LAMA1: variants seen among roughly 807,000 people sequenced by gnomAD.
LAMA1 encodes the protein laminin subunit alpha-1.
Under a neutral mutation model 348.7 loss-of-function variants are expected in LAMA1, and 219 were observed. That is an observed-to-expected ratio of 0.63 (90% CI 0.56 to 0.70). The LOEUF (loss-of-function observed/expected upper bound fraction) is 0.70, where lower values mean the gene tolerates loss of function less well. Among genes scored for constraint, LAMA1 ranks in the 30% least tolerant of loss-of-function variants. The probability of loss-of-function intolerance (pLI) is 0.00; values close to 1 mark genes in which losing one functional copy is unlikely to be tolerated. For synonymous variants in LAMA1, 1,487 were observed against 1,491.0 expected (o/e 1.00, Z 0.06); for missense variants, 3,744 against 3,888.0 (o/e 0.96, Z 0.99).
intron 1 of LAMA1, among the ~76,000 whole-genome samples, chr18:7,101,736 T>C (rs1172673393): frequency 2.6e-5 from 4 of 152,164 alleles, no homozygotes; most frequent in African/African-American, 9.7e-5. Context: ...GGTGCAATCA[T>C]AGTTTACTGC....
intron 29 of LAMA1, 61 bp downstream of exon 29, chr18:7,007,078 C>G (rs923734400): frequency 1.8e-5 from 29 of 1,601,208 alleles, no homozygotes; most frequent in Non-Finnish European, 5.1e-6. Flanking sequence ...GACCGGAAAT[C>G]TGACACTCAG....
chr18:7,017,853 A>G (rs936768851), intron 19 of LAMA1, among the ~76,000 whole-genome samples: 1 of 152,194 alleles, frequency 6.6e-6, no homozygotes, highest in Non-Finnish European at 1.5e-5. Context: ...ATTAAATATG[A>G]TATCCCAGTT....
chr18:6,977,610 T>C (rs1393613196), intron 44 of LAMA1, 117 bp downstream of exon 44: 1 of 1,166,380 alleles, frequency 8.6e-7, no homozygotes, highest in African/African-American at 1.5e-5. Flanking sequence ...TATTGGGATC[T>C]GGGTCTTTGG....
At chr18:6,966,681 A>G (rs1458908633) in intron 48 of LAMA1, among the ~76,000 whole-genome samples, 4 of 152,130 alleles carry the variant, frequency 2.6e-5, no homozygotes, top group African/African-American at 9.7e-5. Context: ...CACTTTGCTG[A>G]TGAGGTTTTA....
chr18:6,997,616 C>T (rs904005376), intron 33 of LAMA1, 126 bp downstream of exon 33: 1 of 1,001,036 alleles, frequency 1.0e-6, no homozygotes, highest in African/African-American at 1.6e-5. Context: ...CACCTGCCCG[C>T]AGGGGCTGAT....
At chr18:7,009,655 C>T (rs1600390730) in intron 26 of LAMA1, among the ~76,000 whole-genome samples, 1 of 152,328 alleles carries the variant, frequency 6.6e-6, no homozygotes, top group African/African-American at 2.4e-5. Flanking sequence ...AGTCCAAAGT[C>T]TCCTGTACCA....
chr18:7,008,708 C>G, intron 27 of LAMA1, 100 bp from the exon 28 acceptor site: 2 of 1,406,520 alleles, frequency 1.4e-6, no homozygotes, highest in Middle Eastern at 1.8e-4. Flanking sequence ...GAAACCAGAG[C>G]TTTCTTCCCT....
At chr18:7,090,653 A>G (rs572238237) in intron 1 of LAMA1, among the ~76,000 whole-genome samples, 10 of 151,786 alleles carry the variant, frequency 6.6e-5, no homozygotes, top group Non-Finnish European at 1.3e-4. Flanking sequence ...AGAAAGAAAG[A>G]CAGGGAGAGA....
intron 47 of LAMA1, 115 bp from the exon 48 acceptor site, chr18:6,972,096 G>T: frequency 1.6e-6 from 2 of 1,272,756 alleles, no homozygotes; most frequent in South Asian, 1.2e-5. Context: ...TCCAAATTTT[G>T]AGAGAGCCAC....
chr18:7,094,169 C>T (rs1361742524), intron 1 of LAMA1, among the ~76,000 whole-genome samples: 1 of 152,006 alleles, frequency 6.6e-6, no homozygotes, highest in South Asian at 2.1e-4. Flanking sequence ...GGCTGAGATA[C>T]TTCGATTTAA....
intron 1 of LAMA1, among the ~76,000 whole-genome samples, chr18:7,103,482 G>A (rs1204847595): frequency 6.6e-6 from 1 of 151,680 alleles, no homozygotes; most frequent in Non-Finnish European, 1.5e-5. Flanking sequence ...TCTTAGTCTG[G>A]TTACCTGGAT....
chr18:7,085,756 A>G (rs1254892009), intron 1 of LAMA1, among the ~76,000 whole-genome samples: 1 of 152,130 alleles, frequency 6.6e-6, no homozygotes, highest in Non-Finnish European at 1.5e-5. Flanking sequence ...CCAAGTGAAC[A>G]TCTATAATTT....
chr18:7,101,025 C>CA (rs59255528), intron 1 of LAMA1, among the ~76,000 whole-genome samples: 5 of 150,720 alleles, frequency 3.3e-5, no homozygotes, highest in African/African-American at 4.9e-5. Flanking sequence ...GACTCTGTCT[C>CA]AAAAAAAAGA....
At chr18:7,003,928 ATC>A (rs2057820231) in intron 29 of LAMA1, among the ~76,000 whole-genome samples, 1 of 152,180 alleles carries the variant, frequency 6.6e-6, no homozygotes, top group South Asian at 2.1e-4. Context: ...TCTCAAACTC[ATC>A]TCTCTGTAGA....
chr18:7,017,753 A>G (rs1264435277), intron 19 of LAMA1, among the ~76,000 whole-genome samples: 1 of 152,254 alleles, frequency 6.6e-6, no homozygotes, highest in Non-Finnish European at 1.5e-5. Flanking sequence ...AATCAGGTAC[A>G]TATTCAATAT....
chr18:7,051,426 T>C (rs1192914620), intron 3 of LAMA1, among the ~76,000 whole-genome samples: 1 of 152,182 alleles, frequency 6.6e-6, no homozygotes, highest in Non-Finnish European at 1.5e-5. Context: ...CTGGTATACA[T>C]TGGTTGCCAA....
At chr18:6,968,382 CG>C (rs889521873) in intron 48 of LAMA1, among the ~76,000 whole-genome samples, 7 of 152,136 alleles carry the variant, frequency 4.6e-5, no homozygotes, top group Admixed American at 1.3e-4. Flanking sequence ...AACCCTGGCC[CG>C]GGCTTGGGAT....
At chr18:7,107,822 GGCT>G (rs2058319248) in intron 1 of LAMA1, among the ~76,000 whole-genome samples, 1 of 151,658 alleles carries the variant, frequency 6.6e-6, no homozygotes, top group African/African-American at 2.4e-5. Context: ...AGACCGTCCT[GGCT>G]ACCATGGTGA....
chr18:6,956,281 C>A, intron 56 of LAMA1: 10 of 335,504 alleles, frequency 3.0e-5, no homozygotes, highest in East Asian at 7.7e-5. Flanking sequence ...TTTTTTAAAG[C>A]AACAAATATG....
Sources: allele counts gnomAD v4.1 joint callset (sites outside exome capture counted in the v4.1 genomes callset), GRCh38; gene constraint gnomAD v4.1.1; transcripts MANE v1.5; gene names NCBI Gene and HGNC (gene_info 2026-07-23, HGNC 2026-07-21).